UGT1A8: variants seen among roughly 807,000 people sequenced by gnomAD.
The protein encoded by UGT1A8 is UDP glucuronosyltransferase family 1 member A8.
A neutral mutation model predicts 45.3 loss-of-function variants in UGT1A8; 39 were observed. The ratio of observed to expected loss-of-function variants is 0.86; its 90% confidence interval spans 0.67 to 1.12. UGT1A8 has a LOEUF of 1.12. UGT1A8 is among the 50% of genes most tolerant of loss of function. The probability of loss-of-function intolerance (pLI) is 0.00; values close to 1 mark genes in which losing one functional copy is unlikely to be tolerated. For synonymous variants in UGT1A8, 275 were observed against 249.2 expected, an observed-to-expected ratio of 1.10 and a Z score of -0.97; for missense variants, 719 against 664.9, an observed-to-expected ratio of 1.08 and a Z score of -0.90.
intron 1 of UGT1A8, among the ~76,000 whole-genome samples, chr2:233,745,836 TTTC>T (rs746165208): frequency 1.3e-4 from 19 of 151,248 alleles, no homozygotes; most frequent in Admixed American, 7.2e-4. Flanking sequence ...GACTCTGAAT[TTTC>T]TTCTGTGCCC....
At chr2:233,720,590 G>A (rs1172062832) in intron 1 of UGT1A8, among the ~76,000 whole-genome samples, 2 of 152,014 alleles carry the variant, frequency 1.3e-5, no homozygotes, top group Non-Finnish European at 2.9e-5. Context: ...AATTTCAGAG[G>A]TGACTTTCAT....
intron 1 of UGT1A8, among the ~76,000 whole-genome samples, chr2:233,670,549 G>A (rs1407791473): frequency 6.6e-6 from 1 of 151,514 alleles, no homozygotes; most frequent in Non-Finnish European, 1.5e-5. Flanking sequence ...TTGTTTTCTG[G>A]CATGGCTTCT....
intron 1 of UGT1A8, among the ~76,000 whole-genome samples, chr2:233,651,443 G>A (rs1382538376): frequency 6.6e-6 from 1 of 152,002 alleles, no homozygotes; most frequent in Non-Finnish European, 1.5e-5. Context: ...ATGTTTTTTT[G>A]TATGTATTAA....
intron 1 of UGT1A8, chr2:233,744,028 CT>C: frequency 1.1e-6 from 1 of 877,624 alleles, no homozygotes; most frequent in African/African-American, 1.8e-5. Flanking sequence ...AGAGACGCCC[CT>C]TATGACGCAG....
chr2:233,759,382 A>C (rs1049531519), intron 1 of UGT1A8, among the ~76,000 whole-genome samples: 4 of 152,150 alleles, frequency 2.6e-5, no homozygotes, highest in Non-Finnish European at 2.9e-5. Context: ...GGTTTTCAGG[A>C]TACTCAGAGT....
chr2:233,671,771 T>G, intron 1 of UGT1A8: 1 of 1,376,336 alleles, frequency 7.3e-7, no homozygotes, highest in Non-Finnish European at 9.5e-7. Context: ...TACTCATATA[T>G]TCTTGTTCTT....
chr2:233,671,931 TC>T (rs1399944382), intron 1 of UGT1A8: 1 of 1,603,076 alleles, frequency 6.2e-7, no homozygotes, highest in Non-Finnish European at 8.5e-7. Context: ...GCTGCAGTTC[TC>T]TGATGGCTTG....
chr2:233,643,226 T>C (rs994277207), intron 1 of UGT1A8, among the ~76,000 whole-genome samples: 1 of 152,214 alleles, frequency 6.6e-6, no homozygotes, highest in African/African-American at 2.4e-5. Flanking sequence ...TTCCACCTGG[T>C]ATTTTATTGT....
intron 1 of UGT1A8, among the ~76,000 whole-genome samples, chr2:233,697,719 TTCTC>T (rs1575461690): frequency 6.6e-6 from 1 of 152,276 alleles, no homozygotes; most frequent in East Asian, 1.9e-4. Flanking sequence ...TGTTAAAAAC[TTCTC>T]TCTTAGTTCT....
chr2:233,657,696 T>C (rs2073885671), intron 1 of UGT1A8, among the ~76,000 whole-genome samples: 1 of 152,218 alleles, frequency 6.6e-6, no homozygotes, highest in South Asian at 2.1e-4. Context: ...TGATTGCAGC[T>C]ATTCTAATGG....
intron 1 of UGT1A8, among the ~76,000 whole-genome samples, chr2:233,667,683 A>T (rs951066584): frequency 2.0e-5 from 3 of 152,208 alleles, no homozygotes; most frequent in African/African-American, 7.2e-5. Context: ...ACAAATTTAC[A>T]AGAAAAAATC....
chr2:233,618,547 A>G lies in UGT1A8; in HGVS notation c.840A>G (p.Gly280=). The G allele has an allele frequency of 6.2e-7, 1 of 1,613,730 alleles. No homozygotes were observed. ...IFIGGINCHQ[G]KPLPMEFEAY... is the part of the protein sequence containing the mutation. ...TTGGTGGTATCAACTGCCATCAGGG[A>G]AAGCCATTGCCTATGGTAAGTCACC... The change falls in exon 1 of 5, where the codon GGA becomes GGG. Residue 280 remains glycine, a synonymous_variant. Coordinates refer to ENST00000373450, the MANE Select transcript of UGT1A8 (RefSeq NM_019076.5).
intron 1 of UGT1A8, chr2:233,755,083 C>G: frequency 1.5e-6 from 2 of 1,335,264 alleles, no homozygotes; most frequent in Non-Finnish European, 2.0e-6. Context: ...TCATAGATAT[C>G]GCGTTTCTAC....
intron 1 of UGT1A8, chr2:233,743,629 T>A (rs570829500): frequency 7.3e-7 from 1 of 1,367,190 alleles, no homozygotes; most frequent in Non-Finnish European, 9.8e-7. Context: ...AGACGTCGGC[T>A]GGGTCGCGGA....
chr2:233,649,123 C>T, intron 1 of UGT1A8: 2 of 709,906 alleles, frequency 2.8e-6, no homozygotes, highest in East Asian at 9.0e-5. Flanking sequence ...GTGTTTGTTG[C>T]ATCTAAAATT....
chr2:233,772,929 C>T lies in UGT1A8; in HGVS notation c.*370C>T, dbSNP rs1186146273. On this transcript the variant is annotated 3_prime_UTR_variant, in exon 5 of 5. Transcript: ENST00000373450. ...CCCTACTGCAAATGGCAGTTTTAAT[C>T]TTATCTTTTGGCTTCTGCAGATGGT... The T allele has an allele frequency of 5.6e-6, 2 of 355,154 alleles. No individual in the cohort carries two copies. Among genetic ancestry groups the T allele is most frequent in the Non-Finnish European group, 1.0e-5 (2 of 197,036 alleles). The allele number at this position is 355,154 out of a possible 1,614,324, so 22.0% of individuals were successfully genotyped here. A position where few individuals can be genotyped will look rare whatever the true frequency, so the allele number is the denominator to read the frequency against.
chr2:233,767,957 G>A (rs1699529946), intron 3 of UGT1A8, 21 bp downstream of exon 3: 6 of 1,614,186 alleles, frequency 3.7e-6, no homozygotes, highest in South Asian at 1.1e-5. Flanking sequence ...CGGATTGGAT[G>A]TATAGGTCAA....
At chr2:233,632,532 C>T (rs1190530882) in intron 1 of UGT1A8, among the ~76,000 whole-genome samples, 1 of 152,090 alleles carries the variant, frequency 6.6e-6, no homozygotes, top group Admixed American at 6.6e-5. Context: ...TTGTAGTTCT[C>T]CTTGAAGAGG....
intron 1 of UGT1A8, among the ~76,000 whole-genome samples, chr2:233,651,268 A>C (rs1269720062): frequency 6.6e-6 from 1 of 152,122 alleles, no homozygotes; most frequent in African/African-American, 2.4e-5. Context: ...TCCTGAACCC[A>C]CACTGAGTTC....
Sources: allele counts gnomAD v4.1 joint callset (sites outside exome capture counted in the v4.1 genomes callset), GRCh38; gene constraint gnomAD v4.1.1; transcripts MANE v1.5; gene names NCBI Gene and HGNC (gene_info 2026-07-23, HGNC 2026-07-21).